Variants in PEX2 observed in about 807,000 individuals in gnomAD.
PEX2 encodes peroxisomal biogenesis factor 2, also known as peroxisome biogenesis factor 2.
Under a neutral mutation model 25.2 loss-of-function variants are expected in PEX2, and 19 were observed. That is an observed-to-expected ratio of 0.75 (90% CI 0.53 to 1.10). The LOEUF (loss-of-function observed/expected upper bound fraction) is 1.10. Ranked by LOEUF, PEX2 falls within the 50% of genes least tolerant of loss-of-function variation. The pLI is 0.00. For missense variants in PEX2, 347 were observed against 350.6 expected, an observed-to-expected ratio of 0.99 and a Z score of 0.08; for synonymous variants, 141 against 127.7, an observed-to-expected ratio of 1.10 and a Z score of -0.70.
upstream of PEX2, among the ~76,000 whole-genome samples, chr8:77,000,473 C>G (rs1327492941): frequency 6.6e-6 from 1 of 152,008 alleles, no homozygotes; most frequent in African/African-American, 2.4e-5. Context: ...CGGGTGGCGG[C>G]GAGACGCCTC....
intron 1 of PEX2, among the ~76,000 whole-genome samples, chr8:76,991,889 T>C (rs1194361217): frequency 6.6e-6 from 1 of 152,218 alleles, no homozygotes; most frequent in Non-Finnish European, 1.5e-5. Flanking sequence ...ATTACATTAT[T>C]GTTGCTTTGG....
chr8:76,988,234 G>C (rs1022982645), intron 2 of PEX2, 73 bp downstream of exon 2: 1 of 152,130 alleles, frequency 6.6e-6, no homozygotes, highest in African/African-American at 2.4e-5. Flanking sequence ...ACAGTCCTGT[G>C]GTCTCTGCTC....
chr8:76,998,312 A>G (rs766331624), intron 1 of PEX2, among the ~76,000 whole-genome samples: 43 of 152,224 alleles, frequency 2.8e-4, no homozygotes, highest in Non-Finnish European at 5.3e-4. Flanking sequence ...AAATATGTAA[A>G]ATGAAAAATA....
At position 76,983,010 on chromosome 8, in the gene PEX2, A is replaced by G. The variant is rs996752835; in HGVS notation, c.*251T>C. ...AGCATTGTTAGTAGTCACCTGACAA[A>G]AGCTGTCCATTATTCTTGACATTAA... is the stretch of plus-strand genomic sequence containing the variant. On this transcript the variant is annotated 3_prime_UTR_variant, in exon 4 of 4. Coordinates refer to ENST00000357039, the MANE Select transcript of PEX2 (RefSeq NM_000318.3). 5.8e-6 allele frequency: 6 copies of G among 1,031,808 alleles called. No homozygotes were observed. The highest frequency in any genetic ancestry group is 1.6e-5 in the African/African-American group (1 of 61,586). 63.9% of individuals were successfully genotyped at this position (1,031,808 alleles called of 1,614,324 possible).
At chr8:76,998,089 T>A (rs1388616988) in intron 1 of PEX2, among the ~76,000 whole-genome samples, 1 of 152,198 alleles carries the variant, frequency 6.6e-6, no homozygotes, top group African/African-American at 2.4e-5. Context: ...AAAAATGAAA[T>A]AATTCAAGAG....
rs914631161 is a variant in PEX2, at chr8:76,983,459, A to G, written c.720T>C (p.Ser240=). The part of the protein sequence containing the change: ...APNSDNTLAT[S]GKECALCGEW... ...CTCCACATAGAGCGCATTCTTTGCC[A>G]CTGGTGGCTAATGTATTGTCACTAT... Residue 240 remains serine, a synonymous_variant, in exon 4 of 4, where the codon AGT becomes AGC. Transcript: ENST00000357039. 1.9e-6 allele frequency: 3 copies of G among 1,614,054 alleles called. No homozygotes were observed. The highest frequency in any genetic ancestry group is 2.5e-6 in the Non-Finnish European group (3 of 1,180,038).
At chr8:77,000,572 G>C (rs1281440633), upstream of PEX2, among the ~76,000 whole-genome samples, 4 of 152,206 alleles carry the variant, frequency 2.6e-5, no homozygotes, top group African/African-American at 9.6e-5. Context: ...AGGTGGCTGC[G>C]TCGGGCCTGG....
chr8:76,980,400 C>T lies in PEX2; in HGVS notation c.*2861G>A, dbSNP rs1413382904. On this transcript the variant is annotated 3_prime_UTR_variant, in exon 4 of 4. Coordinates refer to ENST00000357039, the MANE Select transcript of PEX2 (RefSeq NM_000318.3). ...ATGTGGACTTTTGAAATGAGTAAGG[C>T]AAATGTAGACTCTAACTAGTAGAGA... is the stretch of plus-strand genomic sequence containing the variant. 6.6e-6 allele frequency: 1 copy of T among 152,210 alleles called. No individual in the cohort carries two copies. The highest frequency in any genetic ancestry group is 1.5e-5 in the Non-Finnish European group (1 of 68,044). 9.4% of individuals were successfully genotyped at this position (152,210 alleles called of 1,614,324 possible). A position where few individuals can be genotyped will look rare whatever the true frequency, so the allele number is the denominator to read the frequency against.
Position 76,983,775 on chromosome 8 carries a change from A to C in PEX2, c.404T>G (p.Val135Gly), listed in dbSNP as rs549932565. 1 of 1,614,120 alleles carries C rather than the reference A, an allele frequency of 6.2e-7. No individual in the cohort carries two copies. Among genetic ancestry groups the C allele is most frequent in the South Asian group, 1.1e-5 (1 of 91,080 alleles). ...RNHHLASFGK[V>G]KQCVNFVIGL... The stretch of plus-strand genomic sequence containing the variant: ...AATCACAAAATTCACACACTGCTTG[A>C]CTTTCCCAAATGATGCTAAATGATG... The change falls in exon 4 of 4, where the codon GTC becomes GGC. Residue 135 changes from valine (V) to glycine (G), a missense_variant. Coordinates refer to ENST00000357039, the MANE Select transcript of PEX2 (RefSeq NM_000318.3).
At chr8:77,000,320 A>T, upstream of PEX2, 1 of 288,794 alleles carries the variant, frequency 3.5e-6, no homozygotes, top group South Asian at 3.0e-5. Context: ...GATTGGCAGG[A>T]GAGTCACGAA....
upstream of PEX2, chr8:77,000,212 C>A (rs1273355661): frequency 3.7e-6 from 1 of 270,650 alleles, no homozygotes; most frequent in African/African-American, 2.3e-5. Context: ...GGCCAAACAA[C>A]CGCGAACGCC....
chr8:76,983,683 A>C lies in PEX2; in HGVS notation c.496T>G (p.Leu166Val). Residue 166 changes from leucine (L) to valine (V), a missense_variant, in exon 4 of 4, where the codon TTG (leucine) becomes GTG (valine). Physicochemically the swap from Leu to Val is conservative, Grantham distance 32. Transcript: ENST00000357039. ...IFLQRGKFAT[L>V]TERLLGIHSV... ...TGAATACCTAGGAGACGTTCTGTCA[A>C]AGTTGCAAACTTTCCCCTCTGAAGG... The C allele has an allele frequency of 6.2e-7, 1 of 1,614,156 alleles. No homozygotes were observed. Among genetic ancestry groups the C allele is most frequent in the East Asian group, 2.2e-5 (1 of 44,878 alleles).
At chr8:77,000,366 C>G (rs914025217), upstream of PEX2, 1 of 219,300 alleles carries the variant, frequency 4.6e-6, no homozygotes, top group African/African-American at 2.4e-5. Flanking sequence ...CAAGTGAGGA[C>G]ACTACAAGTG....
chr8:76,995,956 TC>T (rs1407393909), intron 1 of PEX2, among the ~76,000 whole-genome samples: 1 of 152,038 alleles, frequency 6.6e-6, no homozygotes, highest in Non-Finnish European at 1.5e-5. Flanking sequence ...TACCTACCTA[TC>T]TAGAATCCTT....
At chr8:76,995,495 C>CT (rs928602337) in intron 1 of PEX2, among the ~76,000 whole-genome samples, 62 of 145,290 alleles carry the variant, frequency 4.3e-4, no homozygotes, top group Middle Eastern at 3.5e-3. Flanking sequence ...GGGAAAATAT[C>CT]TTTTTTTTTT....
intron 3 of PEX2, among the ~76,000 whole-genome samples, chr8:76,985,777 T>A (rs1043529395): frequency 6.6e-6 from 1 of 152,168 alleles, no homozygotes; most frequent in African/African-American, 2.4e-5. Context: ...GGTCACATAT[T>A]CTTCGACAAG....
chr8:77,000,948 GTC>G (rs1334076221), upstream of PEX2: 4 of 152,222 alleles, frequency 2.6e-5, no homozygotes, highest in Non-Finnish European at 4.4e-5. Flanking sequence ...GAATGGCAGT[GTC>G]TCTCTAGAGA....
upstream of PEX2, among the ~76,000 whole-genome samples, chr8:77,000,442 A>AGGGCCTCTGGCAG (rs1385698855): frequency 1.3e-5 from 2 of 152,138 alleles, no homozygotes; most frequent in Non-Finnish European, 2.9e-5. Flanking sequence ...GACATCGCGA[A>AGGGCCTCTGGCAG]GGGCCTCTGG....
chr8:76,992,934 A>C (rs1299630713), intron 1 of PEX2, among the ~76,000 whole-genome samples: 1 of 152,204 alleles, frequency 6.6e-6, no homozygotes, highest in East Asian at 1.9e-4. Context: ...AGAAAAGAGG[A>C]AAATGGTATG....
Sources: allele counts gnomAD v4.1 joint callset (sites outside exome capture counted in the v4.1 genomes callset), GRCh38; gene constraint gnomAD v4.1.1; transcripts MANE v1.5; gene names NCBI Gene and HGNC (gene_info 2026-07-23, HGNC 2026-07-21).